DCC: variants seen among roughly 807,000 people sequenced by gnomAD.
DCC encodes the protein DCC netrin 1 receptor, also known as netrin receptor DCC.
DCC carries 58 observed loss-of-function variants against 172.5 expected under a neutral mutation model. The ratio of observed to expected loss-of-function variants is 0.34; its 90% CI spans 0.27 to 0.42. The LOEUF is 0.42. DCC is among the 10% of genes least tolerant of loss of function. The probability of loss-of-function intolerance (pLI) is 1.00; values close to 1 mark genes in which losing one functional copy is unlikely to be tolerated. For missense variants in DCC, 1,740 were observed against 1,791.0 expected, an observed-to-expected ratio of 0.97 and a Z score of 0.51; for synonymous variants, 709 against 644.5, an observed-to-expected ratio of 1.10 and a Z score of -1.52.
At chr18:52,544,814 G>T (rs2032567726) in intron 1 of DCC, among the ~76,000 whole-genome samples, 2 of 152,128 alleles carry the variant, frequency 1.3e-5, no homozygotes, top group Admixed American at 1.3e-4. Context: ...ACTGAATGTT[G>T]TCTGGAAAAG....
chr18:53,039,297 T>C (rs193246322), intron 5 of DCC, among the ~76,000 whole-genome samples: 8 of 152,194 alleles, frequency 5.3e-5, no homozygotes, highest in Admixed American at 4.6e-4. Context: ...TCACACAGTA[T>C]TCTATAGTTG....
chr18:53,052,183 T>TTAGG (rs1359299652), intron 5 of DCC, among the ~76,000 whole-genome samples: 3 of 152,106 alleles, frequency 2.0e-5, no homozygotes, highest in Non-Finnish European at 2.9e-5. Flanking sequence ...CCTTGATTCA[T>TTAGG]TTCCTTAGGT....
rs2039790993 is a variant in DCC, at chr18:52,900,225, C to T, written c.413-5819C>T. Among the ~76,000 whole-genome samples, 4 of 152,294 alleles carry T rather than the reference C, an allele frequency of 2.6e-5. No individual in the cohort carries two copies. The South Asian group carries it at 8.3e-4, about 32-fold the overall frequency. ...AGCTGCAAATAGGGTAAAACCTTTACTCTTCCTTGCATGGGTAGTTAATAA... is the reference window on the plus strand; with the variant it reads ...AGCTGCAAATAGGGTAAAACCTTTATTCTTCCTTGCATGGGTAGTTAATAA... On this transcript the variant is annotated intron_variant, in intron 2 of 28. Coordinates refer to ENST00000442544, the MANE Select transcript of DCC (RefSeq NM_005215.4).
At chr18:53,099,480 A>G (rs932134965) in intron 7 of DCC, among the ~76,000 whole-genome samples, 1 of 152,118 alleles carries the variant, frequency 6.6e-6, no homozygotes, top group African/African-American at 2.4e-5. Flanking sequence ...AGATCCCCAG[A>G]ATATAGTTTC....
At chr18:52,820,004 G>A (rs2038376243) in intron 2 of DCC, among the ~76,000 whole-genome samples, 1 of 152,264 alleles carries the variant, frequency 6.6e-6, no homozygotes, top group South Asian at 2.1e-4. Flanking sequence ...ACAGGCGTGA[G>A]CCACCACGCC....
At chr18:53,240,686 G>A (rs79459585) in intron 12 of DCC, among the ~76,000 whole-genome samples, 14 of 152,200 alleles carry the variant, frequency 9.2e-5, no homozygotes, top group African/African-American at 1.9e-4. Flanking sequence ...TGAGATTGTC[G>A]TTGGGACTAA....
chr18:52,619,452 T>C (rs558034060), intron 1 of DCC, among the ~76,000 whole-genome samples: 1 of 152,206 alleles, frequency 6.6e-6, no homozygotes, highest in African/African-American at 2.4e-5. Flanking sequence ...GATTGGTTTT[T>C]TGGTTTGTTG....
intron 5 of DCC, among the ~76,000 whole-genome samples, chr18:52,942,765 T>C (rs185096880): frequency 7.9e-5 from 12 of 152,288 alleles, no homozygotes; most frequent in African/African-American, 2.9e-4. Flanking sequence ...GAAGTACAAT[T>C]CAACATGAGA....
At position 52,653,802 on chromosome 18, in the gene DCC, G is replaced by T. The variant is rs562680542; in HGVS notation, c.92-98252G>T. ...GCTGATTATTAATTTATGCCTCTCAGCCTAACACTAAAGATTCTAAGTAGC... is the reference window on the plus strand; with the variant it reads ...GCTGATTATTAATTTATGCCTCTCATCCTAACACTAAAGATTCTAAGTAGC... On this transcript the variant is annotated intron_variant, in intron 1 of 28. Transcript: ENST00000442544. Among the ~76,000 whole-genome samples the T allele has an allele frequency of 5.3e-5, 8 of 152,280 alleles. No homozygotes were observed. In the South Asian group the frequency reaches 1.7e-3, roughly 32 times the overall value.
At chr18:52,492,449 G>A (rs913503028) in intron 1 of DCC, among the ~76,000 whole-genome samples, 2 of 151,974 alleles carry the variant, frequency 1.3e-5, no homozygotes, top group African/African-American at 2.4e-5. Flanking sequence ...GATGTGGAGT[G>A]AGTGGCCTTA....
At chr18:53,258,231 A>C (rs1286498920) in intron 12 of DCC, among the ~76,000 whole-genome samples, 2 of 151,654 alleles carry the variant, frequency 1.3e-5, no homozygotes, top group East Asian at 3.9e-4. Context: ...CTCTGATCTT[A>C]GTTATTTCTT....
chr18:53,366,401 A>AT (rs374633550), intron 15 of DCC, among the ~76,000 whole-genome samples: 108 of 152,102 alleles, frequency 7.1e-4, no homozygotes, highest in African/African-American at 2.6e-3. Flanking sequence ...TTAGCTAGTC[A>AT]TTTTTTCATT....
At chr18:53,522,052 A>G (rs1001477810) in intron 27 of DCC, among the ~76,000 whole-genome samples, 2 of 152,104 alleles carry the variant, frequency 1.3e-5, no homozygotes, top group African/African-American at 4.8e-5. Flanking sequence ...AATTCAAAAT[A>G]TGTGGTTGGT....
intron 9 of DCC, among the ~76,000 whole-genome samples, chr18:53,190,314 T>C (rs1449058446): frequency 6.6e-6 from 1 of 152,182 alleles, no homozygotes; most frequent in East Asian, 1.9e-4. Context: ...ATAGCAATAC[T>C]TTGACCTGTA....
chr18:53,525,411 A>G (rs1435242210), intron 27 of DCC, among the ~76,000 whole-genome samples: 2 of 152,100 alleles, frequency 1.3e-5, no homozygotes, highest in African/African-American at 4.8e-5. Flanking sequence ...TAAATCACTC[A>G]AATTGCAGAC....
intron 1 of DCC, among the ~76,000 whole-genome samples, chr18:52,719,418 A>G (rs971190883): frequency 6.6e-6 from 1 of 151,984 alleles, no homozygotes; most frequent in African/African-American, 2.4e-5. Flanking sequence ...CGTTGAGTCC[A>G]CTCTCAGGAA....
intron 8 of DCC, among the ~76,000 whole-genome samples, chr18:53,163,318 C>A (rs904994068): frequency 4.6e-5 from 7 of 152,124 alleles, no homozygotes; most frequent in Non-Finnish European, 7.4e-5. Flanking sequence ...AATAAGCTGA[C>A]TACAGTTCAA....
chr18:53,066,206 A>G, intron 7 of DCC, 40 bp downstream of exon 7: 1 of 1,595,052 alleles, frequency 6.3e-7, no homozygotes, highest in South Asian at 1.1e-5. Flanking sequence ...CTGGAATGAA[A>G]ATTATTCATA....
intron 5 of DCC, among the ~76,000 whole-genome samples, chr18:53,048,580 T>G (rs2042291589): frequency 6.6e-6 from 1 of 150,844 alleles, no homozygotes; most frequent in Non-Finnish European, 1.5e-5. Context: ...TGTGTGTGTA[T>G]ATATATACGT....
Sources: allele counts gnomAD v4.1 joint callset (sites outside exome capture counted in the v4.1 genomes callset), GRCh38; gene constraint gnomAD v4.1.1; transcripts MANE v1.5; gene names NCBI Gene and HGNC (gene_info 2026-07-23, HGNC 2026-07-21).